MTMR3: variants seen among roughly 807,000 people sequenced by gnomAD.
MTMR3 encodes myotubularin related protein 3.
Under a neutral mutation model 132.4 loss-of-function variants are expected in MTMR3, and 32 were observed. The observed-to-expected ratio is 0.24, with a 90% CI of 0.18 to 0.32. The LOEUF (loss-of-function observed/expected upper bound fraction) is 0.32. Among genes scored for constraint, MTMR3 ranks in the 10% least tolerant of loss-of-function variants. The probability of loss-of-function intolerance (pLI) is 1.00; values close to 1 mark genes in which losing one functional copy is unlikely to be tolerated. For missense variants in MTMR3, 1,216 were observed against 1,489.6 expected (o/e 0.82, Z 3.02); for synonymous variants, 556 against 550.3 (o/e 1.01, Z -0.14).
intron 13 of MTMR3, 192 bp downstream of exon 13, chr22:30,012,755 A>G (rs1297640569): frequency 1.9e-6 from 1 of 532,978 alleles, no homozygotes; most frequent in Non-Finnish European, 3.2e-6. Context: ...AAAATGGGGC[A>G]GATTATGGGT....
chr22:29,901,870 T>C lies in MTMR3; in HGVS notation c.-138+18511T>C, dbSNP rs943844032. Among the ~76,000 whole-genome samples, 3 of 152,210 alleles carry C rather than the reference T, an allele frequency of 2.0e-5. No individual in the cohort carries two copies. In the East Asian group the frequency reaches 5.8e-4, roughly 29 times the overall value. On this transcript the variant is annotated intron_variant, in intron 1 of 19. Transcript: ENST00000401950. ...CCTAATGTATTTTGAGATTCATCCA[T>C]GTTTTTATGTATCAGTAATTACTTT...
chr22:29,975,040 C>T (rs2066604271), intron 3 of MTMR3, among the ~76,000 whole-genome samples: 1 of 152,162 alleles, frequency 6.6e-6, no homozygotes, highest in South Asian at 2.1e-4. Flanking sequence ...AATCATGGCT[C>T]ACCTTTCATA....
At chr22:29,910,277 A>G (rs765764080) in intron 1 of MTMR3, among the ~76,000 whole-genome samples, 6 of 152,204 alleles carry the variant, frequency 3.9e-5, no homozygotes, top group African/African-American at 7.2e-5. Context: ...GCAGTTATGT[A>G]GAACAAAACA....
intron 7 of MTMR3, chr22:29,993,342 TAAAGAG>T (rs2067000713): frequency 1.3e-5 from 2 of 152,252 alleles, no homozygotes; most frequent in South Asian, 2.1e-4. Context: ...GGGTTTTTCT[TAAAGAG>T]AAAGTTTACA....
chr22:30,020,275 C>T lies in MTMR3; in HGVS notation c.2616C>T (p.Gly872=), dbSNP rs1386267926. 5 of 1,614,078 alleles carry T rather than the reference C, an allele frequency of 3.1e-6. No homozygotes were observed. In the African/African-American group the frequency reaches 5.3e-5, roughly 17 times the overall value. ...GHHRSCLVNS[G]KDRLPQTMEP... ...ATAGATCTTGCCTTGTAAATAGTGG[C>T]AAGGACAGGCTTCCTCAGACCATGG... Residue 872 remains glycine, a synonymous_variant, in exon 17 of 20, where the codon GGC becomes GGT. Transcript: ENST00000401950.
At chr22:30,013,214 T>C in intron 13 of MTMR3, 142 bp from the exon 14 acceptor site, 1 of 699,554 alleles carries the variant, frequency 1.4e-6, no homozygotes, top group Non-Finnish European at 2.4e-6. Flanking sequence ...TCATCAGGGA[T>C]AGAGCCTTCC....
chr22:29,905,988 C>G (rs1450707796), intron 1 of MTMR3, among the ~76,000 whole-genome samples: 1 of 152,116 alleles, frequency 6.6e-6, no homozygotes, highest in African/African-American at 2.4e-5. Flanking sequence ...ATCTGAAAGT[C>G]TAGATTCATC....
At chr22:29,978,073 G>A (rs2058577833) in intron 3 of MTMR3, 1 of 162,184 alleles carries the variant, frequency 6.2e-6, no homozygotes, top group Admixed American at 5.9e-5. Context: ...CCAGGAGGCA[G>A]AGGTTGCGGC....
At chr22:29,968,250 A>G (rs573088069) in intron 2 of MTMR3, among the ~76,000 whole-genome samples, 1 of 152,156 alleles carries the variant, frequency 6.6e-6, no homozygotes, top group Non-Finnish European at 1.5e-5. Flanking sequence ...ATCTGACATT[A>G]GTATCTTCCT....
chr22:29,979,315 A>C, intron 5 of MTMR3: 1 of 249,754 alleles, frequency 4.0e-6, no homozygotes, highest in Non-Finnish European at 8.0e-6. Context: ...ACACGGTGAA[A>C]CCCCATTTCT....
At chr22:29,897,923 A>T (rs914325528) in intron 1 of MTMR3, among the ~76,000 whole-genome samples, 1 of 152,162 alleles carries the variant, frequency 6.6e-6, no homozygotes, top group African/African-American at 2.4e-5. Flanking sequence ...TTTATGTGAT[A>T]TTTTAGTACA....
chr22:29,906,274 GTCTGTCTGTCTGTCTATCTA>G (rs1308042269), intron 1 of MTMR3, among the ~76,000 whole-genome samples: 10,090 of 122,498 alleles, frequency 0.082, 436 homozygotes, highest in Admixed American at 0.13. Flanking sequence ...CTGTCTGTCT[GTCTGTCTGTCTGTCTATCTA>G]TCTATCTATC....
At chr22:29,952,698 A>AT (rs2066108370) in intron 1 of MTMR3, among the ~76,000 whole-genome samples, 1 of 152,202 alleles carries the variant, frequency 6.6e-6, no homozygotes, top group South Asian at 2.1e-4. Context: ...CAGTAGCTGA[A>AT]TGTAGCCATG....
chr22:29,947,535 T>C (rs2065977037), intron 1 of MTMR3, among the ~76,000 whole-genome samples: 1 of 151,422 alleles, frequency 6.6e-6, no homozygotes, highest in African/African-American at 2.4e-5. Context: ...TGCCTCCCAG[T>C]TTTCTGAGTT....
intron 1 of MTMR3, among the ~76,000 whole-genome samples, chr22:29,946,021 T>TTGTGTG (rs57792760): frequency 0.45 from 67,339 of 150,746 alleles, 15,455 homozygotes; most frequent in East Asian, 0.76. Context: ...GTGTATATAT[T>TTGTGTG]TGTGTGTGTG....
At chr22:29,944,988 T>C (rs1377907750) in intron 1 of MTMR3, among the ~76,000 whole-genome samples, 1 of 152,198 alleles carries the variant, frequency 6.6e-6, no homozygotes, top group African/African-American at 2.4e-5. Context: ...AAATACAATA[T>C]CCACATTTTA....
Position 30,025,927 on chromosome 22 carries a change from G to C in MTMR3, c.*126G>C. On this transcript the variant is annotated 3_prime_UTR_variant, in exon 20 of 20. Transcript: ENST00000401950. ...GTGGAACCACCTGTACAGAGTGACA[G>C]ATTTGGGATGCACCACTGGATTGTA... The C allele has an allele frequency of 1.1e-6, 1 of 923,880 alleles. No individual in the cohort carries two copies. Among genetic ancestry groups the C allele is most frequent in the East Asian group, 2.5e-5 (1 of 39,462 alleles). The allele number at this position is 923,880 out of a possible 1,614,324, so 57.2% of individuals were successfully genotyped here.
Position 29,979,071 on chromosome 22 carries a change from T to G in MTMR3, c.210+19T>G. On this transcript the variant is annotated intron_variant, in intron 5 of 19. Coordinates refer to ENST00000401950, the MANE Select transcript of MTMR3 (RefSeq NM_021090.4). ...TGTTAATGTAAGTGATTACCAGCTG[T>G]TCTCCCTCTAAGGTAAATGGAGAAA... 1.7e-4 allele frequency: 237 copies of G among 1,370,074 alleles called. No individual in the cohort carries two copies. The highest frequency in any genetic ancestry group is 2.3e-4 in the Non-Finnish European group (216 of 957,956). 84.9% of individuals were successfully genotyped at this position (1,370,074 alleles called of 1,614,324 possible). A position where few individuals can be genotyped will look rare whatever the true frequency, so the allele number is the denominator to read the frequency against.
intron 2 of MTMR3, among the ~76,000 whole-genome samples, chr22:29,967,140 C>T (rs529059315): frequency 8.1e-5 from 12 of 148,116 alleles, no homozygotes; most frequent in Non-Finnish European, 1.3e-4. Context: ...TTTTTTGCAG[C>T]GTTTATTTTT....
Sources: allele counts gnomAD v4.1 joint callset (sites outside exome capture counted in the v4.1 genomes callset), GRCh38; gene constraint gnomAD v4.1.1; transcripts MANE v1.5; gene names NCBI Gene and HGNC (gene_info 2026-07-23, HGNC 2026-07-21).